Variants in GNG7 observed in about 807,000 individuals in gnomAD.
GNG7 encodes the protein guanine nucleotide-binding protein G(I)/G(S)/G(O) subunit gamma-7.
A neutral mutation model predicts 4.0 loss-of-function variants in GNG7; 1 was observed. The ratio of observed to expected loss-of-function variants is 0.25; its 90% CI spans 0.09 to 1.18. The LOEUF (loss-of-function observed/expected upper bound fraction) is 1.18, where lower values mean the gene tolerates loss of function less well. Among genes scored for constraint, GNG7 ranks in the 50% most tolerant of loss-of-function variants. GNG7 has a pLI of 0.50. For missense variants in GNG7, 86 were observed against 91.9 expected, an observed-to-expected ratio of 0.94 and a Z score of 0.26; for synonymous variants, 34 against 36.9, an observed-to-expected ratio of 0.92 and a Z score of 0.29.
intron 2 of GNG7, among the ~76,000 whole-genome samples, chr19:2,577,614 T>C (rs183223248): frequency 7.3e-5 from 11 of 150,116 alleles, no homozygotes; most frequent in Non-Finnish European, 7.4e-5. Flanking sequence ...GGCAGGAAAA[T>C]TGCTTTAAGC....
chr19:2,667,669 C>A (rs537961117), intron 1 of GNG7, among the ~76,000 whole-genome samples: 3 of 152,068 alleles, frequency 2.0e-5, no homozygotes, highest in Non-Finnish European at 2.9e-5. Context: ...AATCCCAGCA[C>A]TTTGGGAGGC....
At chr19:2,648,027 C>CAAAAA (rs56125421) in intron 1 of GNG7, among the ~76,000 whole-genome samples, 3 of 64,476 alleles carry the variant, frequency 4.7e-5, no homozygotes, top group Non-Finnish European at 2.8e-5. Flanking sequence ...GACCCTGTCT[C>CAAAAA]AAAAAAAAAA....
At chr19:2,607,057 C>A (rs1271885392) in intron 2 of GNG7, among the ~76,000 whole-genome samples, 1 of 151,154 alleles carries the variant, frequency 6.6e-6, no homozygotes, top group African/African-American at 2.4e-5. Flanking sequence ...CCTGTCTCCA[C>A]GAAAAATTTA....
intron 1 of GNG7, among the ~76,000 whole-genome samples, chr19:2,679,509 A>G (rs1477943678): frequency 1.3e-5 from 2 of 152,140 alleles, no homozygotes; most frequent in African/African-American, 4.8e-5. Context: ...TCTGACACAC[A>G]AGGAAACAGA....
intron 2 of GNG7, among the ~76,000 whole-genome samples, chr19:2,641,566 C>T (rs1009690995): frequency 2.0e-5 from 3 of 152,148 alleles, no homozygotes; most frequent in East Asian, 1.9e-4. Flanking sequence ...ATGCGGGAAC[C>T]AGATTTTCCC....
In GNG7 at chr19:2,634,252, T is replaced by C. The variant is rs570699874; in HGVS notation, c.-78+11972A>G. On this transcript the variant is annotated intron_variant, in intron 2 of 4. Coordinates refer to ENST00000382159, the MANE Select transcript of GNG7 (RefSeq NM_052847.3). This position sits in a 1 kb window ranked among gnomAD's most constrained non-coding sequence, Gnocchi z 5.3. ...AGCACTGTGGACATTTGAGGCCCGATTGTTCTCTGGGGTGGGGCCGTCCTG... is the reference window on the plus strand; with the variant it reads ...AGCACTGTGGACATTTGAGGCCCGACTGTTCTCTGGGGTGGGGCCGTCCTG... Among the ~76,000 whole-genome samples, 24 of 152,304 alleles carry C rather than the reference T, an allele frequency of 1.6e-4. No homozygotes were observed. The East Asian group carries it at 4.3e-3, about 27-fold the overall frequency.
At chr19:2,578,566 G>A (rs1391214219) in intron 2 of GNG7, among the ~76,000 whole-genome samples, 1 of 152,196 alleles carries the variant, frequency 6.6e-6, no homozygotes, top group Non-Finnish European at 1.5e-5. Context: ...ATGGCTGGCA[G>A]CCACAGGTTT....
In GNG7 at chr19:2,564,137, C is replaced by T. The variant is rs924300647; in HGVS notation, c.-77-8949G>A. Among the ~76,000 whole-genome samples the T allele has an allele frequency of 2.5e-4, 38 of 152,122 alleles. 1 individual carries two copies. The highest frequency in any genetic ancestry group is 8.9e-4 in the African/African-American group (37 of 41,414). The stretch of plus-strand genomic sequence containing the variant: ...GAATGCAGTGGGTTGAATAGTGTCC[C>T]GCAAAAGCTCACGTCCTCCTGGAAG... On this transcript the variant is annotated intron_variant, in intron 2 of 4. Transcript: ENST00000382159.
At chr19:2,551,820 A>G (rs935705300) in intron 3 of GNG7, among the ~76,000 whole-genome samples, 1 of 151,882 alleles carries the variant, frequency 6.6e-6, no homozygotes, top group African/African-American at 2.4e-5. Context: ...AGTAGCTGGG[A>G]TTACAGGCAT....
At chr19:2,524,759 G>A (rs557440123) in intron 3 of GNG7, among the ~76,000 whole-genome samples, 2 of 152,200 alleles carry the variant, frequency 1.3e-5, no homozygotes, top group South Asian at 2.1e-4. Flanking sequence ...TGTGGACACG[G>A]CACTGCATGT....
intron 2 of GNG7, among the ~76,000 whole-genome samples, chr19:2,623,728 A>G (rs554103146): frequency 7.4e-4 from 112 of 152,282 alleles, no homozygotes; most frequent in African/African-American, 2.7e-3. Context: ...TAAAAATACA[A>G]AAATTAGCCG....
chr19:2,631,976 C>A (rs550623715), intron 2 of GNG7: 1 of 152,230 alleles, frequency 6.6e-6, no homozygotes, highest in Non-Finnish European at 1.5e-5. Context: ...ATTTTCAGGG[C>A]GTCTCCCCAA....
chr19:2,695,829 C>G (rs143364143), intron 1 of GNG7, among the ~76,000 whole-genome samples: 1 of 152,072 alleles, frequency 6.6e-6, no homozygotes, highest in East Asian at 1.9e-4. Flanking sequence ...TGATGAGGCT[C>G]TCGGCTCAAG....
chr19:2,553,407 TGTAATATACATTTTATATGCA>T (rs1979403619), intron 3 of GNG7, among the ~76,000 whole-genome samples: 1 of 146,654 alleles, frequency 6.8e-6, no homozygotes, highest in Admixed American at 6.9e-5. Flanking sequence ...CATATATATA[TGTAATATACATTTTATATGCA>T]ATATATATGT....
intron 3 of GNG7, among the ~76,000 whole-genome samples, chr19:2,536,053 A>C (rs889719140): frequency 6.6e-6 from 1 of 152,034 alleles, no homozygotes; most frequent in Non-Finnish European, 1.5e-5. Flanking sequence ...TGAGTCCAGG[A>C]GTTGGAGGCT....
At position 2,633,054 on chromosome 19, in the gene GNG7, T is replaced by C. The variant is rs1310371679; in HGVS notation, c.-78+13170A>G. ...GCCTCCCCAGGCTGCACCTTAACCA[T>C]CTATGACACGCATCCCCAGGCGGCA... On this transcript the variant is annotated intron_variant, in intron 2 of 4. Coordinates refer to ENST00000382159, the MANE Select transcript of GNG7 (RefSeq NM_052847.3). The surrounding 1 kb of genome is among the most constrained non-coding windows in gnomAD (Gnocchi z 5.9). 6.6e-6 allele frequency among the ~76,000 whole-genome samples: 1 copy of C among 152,138 alleles called. No homozygotes were observed. The highest frequency in any genetic ancestry group is 1.5e-5 in the Non-Finnish European group (1 of 68,020).
Position 2,557,207 on chromosome 19 carries a change from GCA to G in GNG7, c.-77-2021_-77-2020del, listed in dbSNP as rs568886747. Among the ~76,000 whole-genome samples, 86 of 150,202 alleles carry G rather than the reference GCA, an allele frequency of 5.7e-4. No individual in the cohort carries two copies. The highest frequency in any genetic ancestry group is 1.3e-3 in the African/African-American group (52 of 40,598). On this transcript the variant is annotated intron_variant, in intron 2 of 4. Transcript: ENST00000382159. This position sits in a 1 kb window ranked among gnomAD's most constrained non-coding sequence, Gnocchi z 5.1. The stretch of plus-strand genomic sequence containing the variant: ...AAGACACGTGCACACACATTTGCAT[GCA>G]CACACAGACACACATGCACACACAG...
intron 1 of GNG7, among the ~76,000 whole-genome samples, chr19:2,696,318 GA>G (rs1913253098): frequency 2.3e-5 from 3 of 129,268 alleles, no homozygotes; most frequent in Admixed American, 8.1e-5. Context: ...AAGAAAGAAA[GA>G]AAGAAAGAAA....
At chr19:2,566,206 G>C (rs1979903562) in intron 2 of GNG7, among the ~76,000 whole-genome samples, 1 of 152,078 alleles carries the variant, frequency 6.6e-6, no homozygotes, top group Admixed American at 6.6e-5. Flanking sequence ...GGGGACATTT[G>C]GACACAGATG....
Sources: allele counts gnomAD v4.1 joint callset (sites outside exome capture counted in the v4.1 genomes callset), GRCh38; gene constraint gnomAD v4.1.1; non-coding constraint Gnocchi (gnomAD v3.1); transcripts MANE v1.5; gene names NCBI Gene and HGNC (gene_info 2026-07-23, HGNC 2026-07-21).